The following SGCD variants were observed in gnomAD, a reference collection of about 807,000 sequenced individuals.
SGCD encodes sarcoglycan delta.
A neutral mutation model predicts 36.6 loss-of-function variants in SGCD; 18 were observed. The observed-to-expected ratio is 0.49, with a 90% confidence interval of 0.34 to 0.73. The LOEUF (loss-of-function observed/expected upper bound fraction) is 0.73, where lower values mean the gene tolerates loss of function less well. Among genes scored for constraint, SGCD ranks in the 30% least tolerant of loss-of-function variants. The probability of loss-of-function intolerance (pLI) is 0.01; values close to 1 mark genes in which losing one functional copy is unlikely to be tolerated. For missense variants in SGCD, 387 were observed against 346.7 expected (o/e 1.12, Z -0.92); for synonymous variants, 133 against 130.6 (o/e 1.02, Z -0.12).
chr5:156,211,393 G>C (rs1302762652), intron 3 of SGCD, among the ~76,000 whole-genome samples: 2 of 152,128 alleles, frequency 1.3e-5, no homozygotes, highest in Non-Finnish European at 2.9e-5. Flanking sequence ...GGATCACGTG[G>C]TCAGGAGATC....
intron 7 of SGCD, among the ~76,000 whole-genome samples, chr5:156,749,683 A>C (rs916794544): frequency 6.6e-6 from 1 of 152,188 alleles, no homozygotes; most frequent in African/African-American, 2.4e-5. Context: ...CTTTGTCAAC[A>C]AATTTAACCT....
At chr5:155,788,950 G>C in the SGCD span, among the ~76,000 whole-genome samples, 1 of 152,124 alleles carries the variant, frequency 6.6e-6, no homozygotes, top group African/African-American at 2.4e-5. Context: ...AGGAATACTA[G>C]GGTGATTGGA....
At chr5:155,829,281 C>T in the SGCD span, among the ~76,000 whole-genome samples, 3 of 152,104 alleles carry the variant, frequency 2.0e-5, no homozygotes, top group Non-Finnish European at 4.4e-5. Flanking sequence ...TTCATGAGCC[C>T]AGAGCCCAGG....
At chr5:156,296,514 T>G (rs1766897312) in intron 3 of SGCD, among the ~76,000 whole-genome samples, 1 of 152,178 alleles carries the variant, frequency 6.6e-6, no homozygotes, top group African/African-American at 2.4e-5. Context: ...CTCTAAGTGT[T>G]TTCTAATGCC....
At chr5:156,338,016 C>T (rs752368008) in intron 2 of SGCD, among the ~76,000 whole-genome samples, 1 of 152,164 alleles carries the variant, frequency 6.6e-6, no homozygotes, top group African/African-American at 2.4e-5. Context: ...CAGAGTCAAA[C>T]GTTAGTAAAA....
At chr5:156,230,825 T>C (rs1198814930) in intron 3 of SGCD, among the ~76,000 whole-genome samples, 2 of 152,176 alleles carry the variant, frequency 1.3e-5, no homozygotes, top group Non-Finnish European at 2.9e-5. Context: ...GAACATATAG[T>C]AAATGCTTAG....
intron 1 of SGCD, among the ~76,000 whole-genome samples, chr5:156,074,286 C>T (rs1760697148): frequency 6.6e-6 from 1 of 151,994 alleles, no homozygotes; most frequent in Non-Finnish European, 1.5e-5. Flanking sequence ...ATGGGATTGT[C>T]ATCTTGGGGT....
intron 7 of SGCD, among the ~76,000 whole-genome samples, chr5:156,669,153 G>C (rs912847233): frequency 1.3e-5 from 2 of 152,068 alleles, no homozygotes; most frequent in African/African-American, 4.8e-5. Flanking sequence ...CCAGCTTGTG[G>C]GTGGAGTGGG....
chr5:156,642,988 C>T (rs991792158), intron 6 of SGCD, among the ~76,000 whole-genome samples: 9 of 148,964 alleles, frequency 6.0e-5, no homozygotes, highest in African/African-American at 2.2e-4. Flanking sequence ...ATTTTCATTT[C>T]TGAGATTAAT....
chr5:156,296,271 C>A (rs1387389347), intron 3 of SGCD, among the ~76,000 whole-genome samples: 1 of 152,132 alleles, frequency 6.6e-6, no homozygotes, highest in Non-Finnish European at 1.5e-5. Context: ...ATATCTCTAT[C>A]AATCACCTTG....
intron 3 of SGCD, among the ~76,000 whole-genome samples, chr5:156,381,413 T>A (rs1160277548): frequency 6.6e-6 from 1 of 152,172 alleles, no homozygotes; most frequent in Non-Finnish European, 1.5e-5. Context: ...AATTGGTCTT[T>A]TATACAGAAT....
intron 4 of SGCD, among the ~76,000 whole-genome samples, chr5:156,574,383 C>T (rs768884483): frequency 1.4e-4 from 22 of 152,172 alleles, no homozygotes; most frequent in Non-Finnish European, 2.8e-4. Context: ...ATTCCTTATA[C>T]ATGCTATTTA....
chr5:156,117,055 T>C (rs1043189196), intron 1 of SGCD, among the ~76,000 whole-genome samples: 1 of 152,022 alleles, frequency 6.6e-6, no homozygotes, highest in Non-Finnish European at 1.5e-5. Flanking sequence ...GTAGCTTTGT[T>C]CAAACATCAG....
rs1258736803 is a variant in SGCD, at chr5:156,762,263, T to G, written c.*2873T>G. 3 of 152,642 alleles carry G rather than the reference T, an allele frequency of 2.0e-5. No homozygotes were observed. The highest frequency in any genetic ancestry group is 6.5e-5 in the Admixed American group (1 of 15,284). 9.5% of individuals were successfully genotyped at this position (152,642 alleles called of 1,614,324 possible). On this transcript the variant is annotated 3_prime_UTR_variant, in exon 9 of 9. Coordinates refer to ENST00000337851, the MANE Select transcript of SGCD (RefSeq NM_000337.6). ...ACAAAGAATCCAAATGAACCTTCAA[T>G]ATACTAGAAGTTCTAGTAGGTTAAT...
chr5:156,583,848 A>G (rs763438299), intron 4 of SGCD, among the ~76,000 whole-genome samples: 9 of 152,238 alleles, frequency 5.9e-5, no homozygotes, highest in Non-Finnish European at 1.0e-4. Context: ...AATAGTGGGA[A>G]AAAATAATGA....
rs1768186008 is a variant in SGCD, at chr5:156,333,783, A to ACTTTTTTTTTTTTTTTT, written c.3+4204_3+4205insCTTTTTTTTTTTTTTTT. On this transcript the variant is annotated intron_variant, in intron 2 of 8. Transcript: ENST00000337851. ...GTGCTTTCTTTATGTTAGAAAAGTG[A>ACTTTTTTTTTTTTTTTT]TTTTTTTTTTTTTTTTTTTTTTTTT... Among the ~76,000 whole-genome samples the ACTTTTTTTTTTTTTTTT allele has an allele frequency of 1.0e-4, 2 of 19,932 alleles. 1 individual carries two copies. The highest frequency in any genetic ancestry group is 3.8e-4 in the African/African-American group (2 of 5,210). 13.1% of individuals were successfully genotyped at this position (19,932 alleles called of 152,430 possible). A position where few individuals can be genotyped will look rare whatever the true frequency, so the allele number is the denominator to read the frequency against.
chr5:156,326,739 C>A (rs114128937), upstream of SGCD: 1,974 of 152,528 alleles, frequency 0.013, 22 homozygotes, highest in Middle Eastern at 0.02. Context: ...GAAAAAGGAG[C>A]AGTGTTGAGC....
chr5:155,765,125 T>G, the SGCD span, among the ~76,000 whole-genome samples: 1 of 151,486 alleles, frequency 6.6e-6, no homozygotes, highest in African/African-American at 2.4e-5. Flanking sequence ...CAAAAAAATT[T>G]AAAGATTAGC....
At chr5:156,637,143 G>T (rs1206609333) in intron 6 of SGCD, among the ~76,000 whole-genome samples, 2 of 151,986 alleles carry the variant, frequency 1.3e-5, no homozygotes, top group East Asian at 3.9e-4. Flanking sequence ...ACATCTGATG[G>T]TTTTTTAAGG....
Sources: allele counts gnomAD v4.1 joint callset (sites outside exome capture counted in the v4.1 genomes callset), GRCh38; gene constraint gnomAD v4.1.1; transcripts MANE v1.5; gene names NCBI Gene and HGNC (gene_info 2026-07-23, HGNC 2026-07-21).